INKA2: variants seen among roughly 807,000 people sequenced by gnomAD.
INKA2 encodes the protein PAK4-inhibitor INKA2.
INKA2 carries 3 observed loss-of-function variants against 9.8 expected under a neutral mutation model. The ratio of observed to expected loss-of-function variants is 0.31; its 90% CI spans 0.14 to 0.79. The LOEUF (loss-of-function observed/expected upper bound fraction) is 0.79. Among genes scored for constraint, INKA2 ranks in the 30% least tolerant of loss-of-function variants. The pLI, the probability that INKA2 is intolerant of heterozygous loss-of-function variation, is 0.62. For missense variants in INKA2, 392 were observed against 384.4 expected (o/e 1.02, Z -0.17); for synonymous variants, 147 against 143.3 (o/e 1.03, Z -0.18).
At position 111,727,834 on chromosome 1, in the gene INKA2, A is replaced by G. The variant is rs773315660; in HGVS notation, c.58-30T>C. ...AGGGGAGAGAGAAAGCATGGGGCCT[A>G]TGAGCCACAGTGGGCAGCAGTGCCT... is the stretch of plus-strand genomic sequence containing the variant. On this transcript the variant is annotated intron_variant, in intron 1 of 1. Coordinates refer to ENST00000357260, the MANE Select transcript of INKA2 (RefSeq NM_019099.5). The G allele has an allele frequency of 4.4e-6, 7 of 1,595,722 alleles. No homozygotes were observed. In the African/African-American group the frequency reaches 5.3e-5, roughly 12 times the overall value.
At position 111,726,592 on chromosome 1, in the gene INKA2, C is replaced by T. The variant is rs1012633781; in HGVS notation, c.*376G>A. 7 of 237,960 alleles carry T rather than the reference C, an allele frequency of 2.9e-5. No individual in the cohort carries two copies. Among genetic ancestry groups the T allele is most frequent in the South Asian group, 1.5e-4 (2 of 13,122 alleles). The allele number at this position is 237,960 out of a possible 1,614,324, so 14.7% of individuals were successfully genotyped here. Reference sequence around the variant, plus strand: ...GCTCTTTTCCATACAGAATGTTCAACGGAGGTCTTTGGGGGCAGTGGAGAT... The same window carrying T: ...GCTCTTTTCCATACAGAATGTTCAATGGAGGTCTTTGGGGGCAGTGGAGAT... On this transcript the variant is annotated 3_prime_UTR_variant, in exon 2 of 2. Coordinates refer to ENST00000357260, the MANE Select transcript of INKA2 (RefSeq NM_019099.5).
In INKA2 at chr1:111,727,345, G is replaced by T. The variant is rs755567208; in HGVS notation, c.517C>A (p.Pro173Thr). Residue 173 changes from proline (P) to threonine (T), a missense_variant, in exon 2 of 2, where the codon CCA becomes ACA. Transcript: ENST00000357260. The part of the protein sequence containing the change: ...ADLVGNWLDL[P>T]ELEKGGEKGE... ...TTCTCCCCACCCTTCTCCAGTTCTG[G>T]CAAGTCTAGCCAATTGCCCACCAGG... The T allele has an allele frequency of 1.2e-6, 2 of 1,614,066 alleles. No homozygotes were observed. The highest frequency in any genetic ancestry group is 4.5e-5 in the East Asian group (2 of 44,878).
At chr1:111,746,024 C>A (rs1168102194) in intron 1 of INKA2, 1 of 152,234 alleles carries the variant, frequency 6.6e-6, no homozygotes, top group South Asian at 2.1e-4. Context: ...TTGCTTCCAC[C>A]AGACTGGCTC....
chr1:111,728,070 C>CACACACACACACACACACATACAT (rs1184555425), intron 1 of INKA2, among the ~76,000 whole-genome samples: 2 of 148,164 alleles, frequency 1.3e-5, no homozygotes, highest in Non-Finnish European at 3.0e-5. Flanking sequence ...CACACACACA[C>CACACACACACACACACACATACAT]ACAGACATTT....
Position 111,726,889 on chromosome 1 carries a change from G to A in INKA2, c.*79C>T, listed in dbSNP as rs377517685. On this transcript the variant is annotated 3_prime_UTR_variant, in exon 2 of 2. Transcript: ENST00000357260. ...GAGTTGGGCTTTCGAGAGCCATACC[G>A]CCCACCCTCCCTCCTCCCCAGGGGC... 505 of 1,407,088 alleles carry A rather than the reference G, an allele frequency of 3.6e-4. 2 individuals are homozygous for A. The highest frequency in any genetic ancestry group is 4.6e-4 in the Non-Finnish European group (475 of 1,027,400). 87.2% of individuals were successfully genotyped at this position (1,407,088 alleles called of 1,614,324 possible).
chr1:111,743,926 C>T (rs1663203650), upstream of INKA2, among the ~76,000 whole-genome samples: 1 of 152,258 alleles, frequency 6.6e-6, no homozygotes, highest in Non-Finnish European at 1.5e-5. Context: ...TAAACACATG[C>T]TGTTGGAATG....
chr1:111,745,532 G>A (rs1663257588), intron 1 of INKA2: 1 of 151,572 alleles, frequency 6.6e-6, no homozygotes, highest in African/African-American at 2.4e-5. Flanking sequence ...GAACTCCTGA[G>A]CTCAAGCAAT....
intron 1 of INKA2, among the ~76,000 whole-genome samples, chr1:111,738,349 C>G (rs998810673): frequency 6.6e-6 from 1 of 152,072 alleles, no homozygotes; most frequent in African/African-American, 2.4e-5. Context: ...ACCTGGCTCT[C>G]CCTAACATAG....
intron 1 of INKA2, among the ~76,000 whole-genome samples, chr1:111,750,922 A>C (rs1304796992): frequency 6.6e-6 from 1 of 152,214 alleles, no homozygotes; most frequent in Non-Finnish European, 1.5e-5. Flanking sequence ...CTCTACTCAC[A>C]GTAAAAGACT....
At chr1:111,749,234 G>A (rs1663341502) in intron 1 of INKA2, among the ~76,000 whole-genome samples, 1 of 152,122 alleles carries the variant, frequency 6.6e-6, no homozygotes, top group Non-Finnish European at 1.5e-5. Flanking sequence ...CCAGGTTCTC[G>A]GCCTGGATTC....
chr1:111,722,994 A>G lies in INKA2; in HGVS notation c.*3974T>C. 1 of 681,522 alleles carries G rather than the reference A, an allele frequency of 1.5e-6. No individual in the cohort carries two copies. The highest frequency in any genetic ancestry group is 2.7e-6 in the Non-Finnish European group (1 of 376,340). The allele number at this position is 681,522 out of a possible 1,614,324, so 42.2% of individuals were successfully genotyped here. ...TCACCTTTCACAGATGAGAAACACA[A>G]GGTTCAGAGAGATCAAGCAACATGC... On this transcript the variant is annotated 3_prime_UTR_variant, in exon 2 of 2. Transcript: ENST00000357260.
In INKA2 at chr1:111,725,973, G is replaced by A; in HGVS notation, c.*995C>T. 1 of 395,808 alleles carries A rather than the reference G, an allele frequency of 2.5e-6. No individual in the cohort carries two copies. Among genetic ancestry groups the A allele is most frequent in the Admixed American group, 4.4e-5 (1 of 22,650 alleles). The allele number at this position is 395,808 out of a possible 1,614,324, so 24.5% of individuals were successfully genotyped here. A position where few individuals can be genotyped will look rare whatever the true frequency, so the allele number is the denominator to read the frequency against. On this transcript the variant is annotated 3_prime_UTR_variant, in exon 2 of 2. Transcript: ENST00000357260. ...GCTGGTCATGAACTCCTGACCCCAG[G>A]TAATCCGCCTGCCTTGCCCTCCCAA...
chr1:111,750,580 T>C (rs557189503), intron 1 of INKA2, among the ~76,000 whole-genome samples: 25 of 152,306 alleles, frequency 1.6e-4, no homozygotes, highest in African/African-American at 5.3e-4. Context: ...AGCATGTACA[T>C]AGGGGTGGCA....
intron 1 of INKA2, among the ~76,000 whole-genome samples, chr1:111,733,109 T>C (rs1195467301): frequency 6.6e-6 from 1 of 152,134 alleles, no homozygotes; most frequent in East Asian, 1.9e-4. Context: ...TCTCCCTCAG[T>C]GTTTCCCAGC....
intron 1 of INKA2, among the ~76,000 whole-genome samples, chr1:111,748,853 T>C (rs1221455100): frequency 6.6e-6 from 1 of 152,166 alleles, no homozygotes; most frequent in African/African-American, 2.4e-5. Flanking sequence ...TCTTCTTTCC[T>C]GGCTATTGCC....
rs919317406 is a variant in INKA2 at position 111,723,263 on chromosome 1, A to G, written c.*3705T>C. 8 of 580,714 alleles carry G rather than the reference A, an allele frequency of 1.4e-5. No individual in the cohort carries two copies. The Admixed American group carries it at 2.5e-4, about 18-fold the overall frequency. 36.0% of individuals were successfully genotyped at this position (580,714 alleles called of 1,614,324 possible). ...TCCCCAACAAGGCCCTAGGGAGGAG[A>G]TGGGGATGTGGAGAGGACAGAGCAA... On this transcript the variant is annotated 3_prime_UTR_variant, in exon 2 of 2. Transcript: ENST00000357260.
chr1:111,724,401 G>C lies in INKA2; in HGVS notation c.*2567C>G, dbSNP rs982377900. On this transcript the variant is annotated 3_prime_UTR_variant, in exon 2 of 2. Coordinates refer to ENST00000357260, the MANE Select transcript of INKA2 (RefSeq NM_019099.5). ...CGAAACACGTGAGTTATAGGTGAAT[G>C]TCCAAGAAGTACCTTGGTTTCCCAC... 3 of 152,212 alleles carry C rather than the reference G, an allele frequency of 2.0e-5. No homozygotes were observed. In the East Asian group the frequency reaches 5.8e-4, roughly 29 times the overall value. 9.4% of individuals were successfully genotyped at this position (152,212 alleles called of 1,614,324 possible).
In INKA2 at chr1:111,726,757, ACCT is replaced by A; in HGVS notation, c.*208_*210del. On this transcript the variant is annotated 3_prime_UTR_variant, in exon 2 of 2. Coordinates refer to ENST00000357260, the MANE Select transcript of INKA2 (RefSeq NM_019099.5). ...CACAGCTCACTCTCCAGCTACTCTT[ACCT>A]CCTCCACCAGCTAGCCCCCAAGACA... is the stretch of plus-strand genomic sequence containing the variant. The A allele has an allele frequency of 1.7e-6, 1 of 606,012 alleles. No homozygotes were observed. Among genetic ancestry groups the A allele is most frequent in the Non-Finnish European group, 2.9e-6 (1 of 341,298 alleles). 37.5% of individuals were successfully genotyped at this position (606,012 alleles called of 1,614,324 possible). A position where few individuals can be genotyped will look rare whatever the true frequency, so the allele number is the denominator to read the frequency against.
chr1:111,723,493 C>A lies in INKA2; in HGVS notation c.*3475G>T. 4.4e-6 allele frequency: 1 copy of A among 227,820 alleles called. No homozygotes were observed. 14.1% of individuals were successfully genotyped at this position (227,820 alleles called of 1,614,324 possible). On this transcript the variant is annotated 3_prime_UTR_variant, in exon 2 of 2. Transcript: ENST00000357260. ...CCACAAAGAAGCAGGTGGAACCTTC[C>A]ACAGATACCTGGGCCAATCAGGTGG... is the stretch of plus-strand genomic sequence containing the variant.
Sources: gnomAD v4.1 joint callset for allele counts (sites outside exome capture counted in the v4.1 genomes callset) on GRCh38, gnomAD v4.1.1 for gene constraint, MANE v1.5 for transcripts, NCBI Gene and HGNC (gene_info 2026-07-23, HGNC 2026-07-21) for gene names.